PRKAR1B: variants seen among roughly 807,000 people sequenced by gnomAD.
The protein encoded by PRKAR1B is protein kinase cAMP-dependent type I regulatory subunit beta, also known as cAMP-dependent protein kinase type I-beta regulatory subunit.
A neutral mutation model predicts 46.5 loss-of-function variants in PRKAR1B; 22 were observed. The observed-to-expected ratio is 0.47, with a 90% CI of 0.34 to 0.68. The LOEUF is 0.68. PRKAR1B is among the 30% of genes least tolerant of loss of function. The probability of loss-of-function intolerance (pLI) is 0.01; values close to 1 mark genes in which losing one functional copy is unlikely to be tolerated. For missense variants in PRKAR1B, 445 were observed against 535.6 expected, an observed-to-expected ratio of 0.83 and a Z score of 1.67; for synonymous variants, 259 against 217.7, an observed-to-expected ratio of 1.19 and a Z score of -1.67.
chr7:606,043 G>C (rs1583289922), intron 6 of PRKAR1B, 150 bp downstream of exon 6: 1 of 706,374 alleles, frequency 1.4e-6, no homozygotes, highest in East Asian at 2.7e-5. Flanking sequence ...TCTCTTCCAA[G>C]AGATAGCAGT....
rs973588471 is a variant in PRKAR1B, at chr7:550,375, G to A, written c.*55C>T. 27 of 1,522,820 alleles carry A rather than the reference G, an allele frequency of 1.8e-5. No homozygotes were observed. The highest frequency in any genetic ancestry group is 9.8e-5 in the Admixed American group (5 of 51,088). 94.3% of individuals were successfully genotyped at this position (1,522,820 alleles called of 1,614,324 possible). On this transcript the variant is annotated 3_prime_UTR_variant, in exon 11 of 11. Transcript: ENST00000537384. ...CGGCTCCCGGGCCCCCGACACAGAC[G>A]AGCAGGGCACGGCCACCACACTGGG... is the stretch of plus-strand genomic sequence containing the variant.
intron 4 of PRKAR1B, among the ~76,000 whole-genome samples, chr7:617,825 C>A (rs946048336): frequency 4.6e-5 from 7 of 152,206 alleles, no homozygotes; most frequent in African/African-American, 1.7e-4. Context: ...CCTCCTGGGC[C>A]CCGCGTAGCA....
intron 4 of PRKAR1B, among the ~76,000 whole-genome samples, chr7:656,127 G>A (rs1785171679): frequency 6.6e-6 from 1 of 152,178 alleles, no homozygotes; most frequent in Non-Finnish European, 1.5e-5. Flanking sequence ...GATCCAACCA[G>A]GATTTACTGG....
At chr7:719,126 G>A (rs539074837) in intron 1 of PRKAR1B, among the ~76,000 whole-genome samples, 5 of 152,110 alleles carry the variant, frequency 3.3e-5, no homozygotes, top group African/African-American at 7.2e-5. Context: ...TGCAACCTCC[G>A]CCTCCCAGGC....
intron 2 of PRKAR1B, among the ~76,000 whole-genome samples, chr7:701,302 AAG>A (rs1224723746): frequency 1.4e-5 from 2 of 139,082 alleles, no homozygotes; most frequent in African/African-American, 3.3e-5. Flanking sequence ...AAGAAAGAAA[AAG>A]AAAGAAAGAA....
intron 7 of PRKAR1B, among the ~76,000 whole-genome samples, chr7:592,308 T>C (rs1278249535): frequency 6.6e-6 from 1 of 152,192 alleles, no homozygotes; most frequent in African/African-American, 2.4e-5. Context: ...TCCGTGACCT[T>C]AGCAGCGTCC....
intron 4 of PRKAR1B, among the ~76,000 whole-genome samples, chr7:642,582 G>A (rs947260608): frequency 8.1e-4 from 123 of 151,860 alleles, no homozygotes; most frequent in African/African-American, 2.9e-3. Flanking sequence ...AAAATTAGCC[G>A]GGCGTAGTGG....
intron 4 of PRKAR1B, among the ~76,000 whole-genome samples, chr7:641,076 C>G (rs1784362424): frequency 6.6e-6 from 1 of 152,058 alleles, no homozygotes; most frequent in Non-Finnish European, 1.5e-5. Flanking sequence ...CCTCTGCCTT[C>G]CGAGTAGCTG....
chr7:727,172 T>C, intron 1 of PRKAR1B, 38 bp downstream of exon 1: 2 of 1,320,874 alleles, frequency 1.5e-6, no homozygotes, highest in South Asian at 1.8e-5. Flanking sequence ...CTGCTGGGCC[T>C]GGCCGTGGAC....
intron 2 of PRKAR1B, among the ~76,000 whole-genome samples, chr7:689,540 C>T (rs1456684926): frequency 6.6e-6 from 1 of 152,032 alleles, no homozygotes; most frequent in Non-Finnish European, 1.5e-5. Context: ...ACCCAGGATA[C>T]ATTAAAATTG....
chr7:614,274 G>A (rs1164604901), intron 4 of PRKAR1B, among the ~76,000 whole-genome samples: 2 of 152,222 alleles, frequency 1.3e-5, no homozygotes, highest in Non-Finnish European at 2.9e-5. Context: ...CAGAATGACA[G>A]ATTCAACCTG....
At chr7:705,781 C>T (rs2128524994) in intron 2 of PRKAR1B, among the ~76,000 whole-genome samples, 1 of 152,266 alleles carries the variant, frequency 6.6e-6, no homozygotes, top group African/African-American at 2.4e-5. Flanking sequence ...AATCCCAACA[C>T]ACTGGGAGGC....
chr7:685,245 A>C, intron 2 of PRKAR1B, among the ~76,000 whole-genome samples: 1 of 101,940 alleles, frequency 9.8e-6, no homozygotes, highest in Non-Finnish European at 2.2e-5. Context: ...CACACATATA[A>C]CACGTTTTAT....
At chr7:639,065 G>C (rs770860243) in intron 4 of PRKAR1B, among the ~76,000 whole-genome samples, 3 of 151,438 alleles carry the variant, frequency 2.0e-5, no homozygotes, top group Middle Eastern at 6.8e-3. Flanking sequence ...GTGACAGAGC[G>C]AGACTCTGTC....
upstream of PRKAR1B, among the ~76,000 whole-genome samples, chr7:727,990 G>C (rs950642133): frequency 3.3e-5 from 5 of 151,868 alleles, no homozygotes; most frequent in Non-Finnish European, 5.9e-5. Context: ...CACGCGCTTT[G>C]AGACTCTGCT....
At chr7:638,012 C>G (rs975489129) in intron 4 of PRKAR1B, among the ~76,000 whole-genome samples, 1 of 152,102 alleles carries the variant, frequency 6.6e-6, no homozygotes, top group Non-Finnish European at 1.5e-5. Context: ...TATGGTGCCC[C>G]GTGTTCTCAT....
At chr7:571,888 C>A (rs1393790959) in intron 9 of PRKAR1B, among the ~76,000 whole-genome samples, 1 of 152,242 alleles carries the variant, frequency 6.6e-6, no homozygotes, top group African/African-American at 2.4e-5. Flanking sequence ...GGAGCCCGCA[C>A]AGCCCTGGCA....
chr7:577,041 C>CAACTCCATCA (rs1779885937), intron 9 of PRKAR1B, among the ~76,000 whole-genome samples: 5 of 138,670 alleles, frequency 3.6e-5, no homozygotes, highest in Admixed American at 3.5e-4. Flanking sequence ...TCAGCGGCCC[C>CAACTCCATCA]GTCCAACTCC....
intron 4 of PRKAR1B, among the ~76,000 whole-genome samples, chr7:635,958 GCGCCCT>G (rs1784034508): frequency 8.6e-6 from 1 of 116,188 alleles, no homozygotes; most frequent in Non-Finnish European, 1.9e-5. Flanking sequence ...TCCACCGGCC[GCGCCCT>G]CACGTCCTCC....
Sources: gnomAD v4.1 joint callset for allele counts (sites outside exome capture counted in the v4.1 genomes callset) on GRCh38, gnomAD v4.1.1 for gene constraint, MANE v1.5 for transcripts, NCBI Gene and HGNC (gene_info 2026-07-23, HGNC 2026-07-21) for gene names.